The following NRP1 variants were observed in gnomAD, a reference collection of about 807,000 sequenced individuals.
NRP1 encodes neuropilin-1.
Under a neutral mutation model 106.7 loss-of-function variants are expected in NRP1, and 35 were observed. The observed-to-expected ratio is 0.33, with a 90% CI of 0.25 to 0.43. NRP1 has a LOEUF of 0.43. Among genes scored for constraint, NRP1 ranks in the 20% least tolerant of loss-of-function variants. The probability of loss-of-function intolerance (pLI) is 1.00; values close to 1 mark genes in which losing one functional copy is unlikely to be tolerated. For missense variants in NRP1, 1,024 were observed against 1,170.4 expected (o/e 0.87, Z 1.83); for synonymous variants, 437 against 417.9 (o/e 1.05, Z -0.56).
intron 2 of NRP1, among the ~76,000 whole-genome samples, chr10:33,324,454 C>T (rs1044578307): frequency 6.6e-6 from 1 of 152,188 alleles, no homozygotes; most frequent in South Asian, 2.1e-4. Context: ...CACATAAAAT[C>T]TGCATAATAA....
intron 6 of NRP1, among the ~76,000 whole-genome samples, chr10:33,250,353 C>T (rs189369273): frequency 1.2e-3 from 181 of 152,222 alleles, no homozygotes; most frequent in African/African-American, 4.2e-3. Context: ...TACACAGACA[C>T]AAGAAGCATG....
intron 6 of NRP1, among the ~76,000 whole-genome samples, chr10:33,250,785 C>T (rs76289030): frequency 6.6e-4 from 101 of 152,242 alleles, no homozygotes; most frequent in African/African-American, 2.3e-3. Flanking sequence ...TATTCAAGTA[C>T]TTAGGACAGA....
rs543609888 is a variant in NRP1 at position 33,276,064 on chromosome 10, G to A, written c.249-5208C>T. Among the ~76,000 whole-genome samples the A allele has an allele frequency of 7.5e-4, 114 of 152,188 alleles. 1 individual carries two copies. The highest frequency in any genetic ancestry group is 2.5e-3 in the African/African-American group (102 of 41,524). ...ATTCATATGCAGAAAAAATCTAGAC[G>A]GAACTAACTAGGCCAAGCCATTAAT... On this transcript the variant is annotated intron_variant, in intron 2 of 16. Transcript: ENST00000374867.
chr10:33,214,126 G>T (rs1245328620), intron 8 of NRP1, among the ~76,000 whole-genome samples: 1 of 152,084 alleles, frequency 6.6e-6, no homozygotes, highest in Non-Finnish European at 1.5e-5. Context: ...CTAAAACAAA[G>T]GTAAAGAGAC....
rs1325241991 is a variant in NRP1 at position 33,222,532 on chromosome 10, TTTA to T, written c.1138-672_1138-670del. Among the ~76,000 whole-genome samples, 86 of 113,870 alleles carry T rather than the reference TTTA, an allele frequency of 7.6e-4. 1 individual carries two copies. In the East Asian group the frequency reaches 0.025, roughly 33 times the overall value. The allele number at this position is 113,870 out of a possible 152,430, so 74.7% of individuals were successfully genotyped here. On this transcript the variant is annotated intron_variant, in intron 7 of 16. Transcript: ENST00000374867. ...ATTTATTTATTTATTTATTTATTTA[TTTA>T]TTTAAGATGGAGTCTCGCTCTGTTA... is the stretch of plus-strand genomic sequence containing the variant.
At chr10:33,273,986 T>A (rs1233842999) in intron 2 of NRP1, among the ~76,000 whole-genome samples, 1 of 152,144 alleles carries the variant, frequency 6.6e-6, no homozygotes, top group Non-Finnish European at 1.5e-5. Flanking sequence ...GTGGATTTTT[T>A]AAATATTCAG....
chr10:33,201,705 G>A (rs1406481630), intron 11 of NRP1: 1 of 152,172 alleles, frequency 6.6e-6, no homozygotes, highest in Non-Finnish European at 1.5e-5. Context: ...TTGGCCATAT[G>A]AATGTAAATG....
intron 10 of NRP1, among the ~76,000 whole-genome samples, chr10:33,204,041 A>G (rs186771556): frequency 8.6e-5 from 13 of 151,816 alleles, no homozygotes; most frequent in African/African-American, 3.1e-4. Context: ...TCGTTCAGAT[A>G]TTTTTTTTAG....
chr10:33,259,618 G>A (rs1842441892), intron 4 of NRP1, among the ~76,000 whole-genome samples: 1 of 152,180 alleles, frequency 6.6e-6, no homozygotes, highest in Non-Finnish European at 1.5e-5. Flanking sequence ...CATGTGCCAA[G>A]CTTCAGGGAG....
chr10:33,262,131 C>T (rs1244998656), intron 4 of NRP1, among the ~76,000 whole-genome samples: 2 of 152,188 alleles, frequency 1.3e-5, no homozygotes, highest in African/African-American at 4.8e-5. Flanking sequence ...TCTCCTAACT[C>T]CATGATGGTG....
intron 10 of NRP1, among the ~76,000 whole-genome samples, chr10:33,206,646 G>T (rs148490976): frequency 1.3e-5 from 2 of 152,150 alleles, no homozygotes; most frequent in African/African-American, 4.8e-5. Flanking sequence ...ATATATGCTC[G>T]GTTGATTAAC....
chr10:33,331,023 G>C (rs555060949), intron 1 of NRP1, 141 bp from the exon 2 acceptor site: 1 of 652,072 alleles, frequency 1.5e-6, no homozygotes, highest in East Asian at 3.0e-5. Context: ...CCTTCGTGTG[G>C]CTCTGAGTGC....
chr10:33,218,598 G>T (rs1838978652), intron 8 of NRP1, among the ~76,000 whole-genome samples: 2 of 152,126 alleles, frequency 1.3e-5, no homozygotes, highest in South Asian at 4.2e-4. Flanking sequence ...ACCTGCCTCG[G>T]CCTCCCAAAG....
chr10:33,226,369 C>T (rs78907737), intron 6 of NRP1, 80 bp from the exon 7 acceptor site: 25,366 of 1,513,036 alleles, frequency 0.017, 235 homozygotes, highest in Non-Finnish European at 0.02. Flanking sequence ...GTGGGCTCCA[C>T]GTTGTGGTTT....
At chr10:33,282,538 T>G (rs1439861437) in intron 2 of NRP1, among the ~76,000 whole-genome samples, 1 of 152,176 alleles carries the variant, frequency 6.6e-6, no homozygotes, top group Non-Finnish European at 1.5e-5. Context: ...TAAAGTTTTT[T>G]CACCCCCCAG....
At chr10:33,330,993 T>A in intron 1 of NRP1, 111 bp from the exon 2 acceptor site, 1 of 905,872 alleles carries the variant, frequency 1.1e-6, no homozygotes, top group Non-Finnish European at 1.6e-6. Flanking sequence ...TAAGGGGAAC[T>A]CTAAAAGGTC....
chr10:33,296,450 C>A (rs927483618), intron 2 of NRP1, among the ~76,000 whole-genome samples: 1 of 152,186 alleles, frequency 6.6e-6, no homozygotes, highest in Non-Finnish European at 1.5e-5. Context: ...TCAGAACAGA[C>A]CTATTCTTTG....
chr10:33,334,206 G>C, intron 1 of NRP1, 104 bp downstream of exon 1: 1 of 1,036,266 alleles, frequency 9.7e-7, no homozygotes, highest in East Asian at 2.6e-5. Flanking sequence ...CCGGGAGTCG[G>C]TTGTTCCCGG....
rs1835524345 is a variant in NRP1 at position 33,179,069 on chromosome 10, A to AT, written c.*1006_*1007insA. On this transcript the variant is annotated 3_prime_UTR_variant, in exon 17 of 17. Coordinates refer to ENST00000374867, the MANE Select transcript of NRP1 (RefSeq NM_003873.7). Reference sequence around the variant, plus strand: ...GAAAATACATTCCATATGAAAGAACAATAAGAGAGAATATTGTAGCTTTAT... The same window carrying AT: ...GAAAATACATTCCATATGAAAGAACATATAAGAGAGAATATTGTAGCTTTAT... 6.6e-6 allele frequency: 1 copy of AT among 152,636 alleles called. No homozygotes were observed. The highest frequency in any genetic ancestry group is 6.5e-5 in the Admixed American group (1 of 15,288). 9.5% of individuals were successfully genotyped at this position (152,636 alleles called of 1,614,324 possible).
Sources: allele counts gnomAD v4.1 joint callset (sites outside exome capture counted in the v4.1 genomes callset), GRCh38; gene constraint gnomAD v4.1.1; transcripts MANE v1.5; gene names NCBI Gene and HGNC (gene_info 2026-07-23, HGNC 2026-07-21).